PRKN: variants seen among roughly 807,000 people sequenced by gnomAD.
PRKN encodes E3 ubiquitin-protein ligase parkin.
Under a neutral mutation model 59.5 loss-of-function variants are expected in PRKN, and 56 were observed. That is an observed-to-expected ratio of 0.94 (90% CI 0.76 to 1.18). The LOEUF (loss-of-function observed/expected upper bound fraction) is 1.18, where lower values mean the gene tolerates loss of function less well. Among genes scored for constraint, PRKN ranks in the 50% most tolerant of loss-of-function variants. The pLI, the probability that PRKN is intolerant of heterozygous loss-of-function variation, is 0.00. For synonymous variants in PRKN, 250 were observed against 222.1 expected (o/e 1.13, Z -1.12); for missense variants, 657 against 596.4 (o/e 1.10, Z -1.06).
chr6:161,537,994 C>T, intron 9 of PRKN, among the ~76,000 whole-genome samples: 1 of 152,146 alleles, frequency 6.6e-6, no homozygotes, highest in East Asian at 1.9e-4. Flanking sequence ...GGTCAATAAC[C>T]AACACGGCTT....
chr6:162,720,633 G>T (rs897538067), intron 1 of PRKN, among the ~76,000 whole-genome samples: 2 of 150,950 alleles, frequency 1.3e-5, no homozygotes, highest in African/African-American at 4.9e-5. Context: ...TGTATTTTTA[G>T]TAGAGACGGG....
At chr6:162,431,278 G>C (rs1007435933) in intron 2 of PRKN, among the ~76,000 whole-genome samples, 3 of 145,528 alleles carry the variant, frequency 2.1e-5, no homozygotes, top group African/African-American at 5.3e-5. Context: ...GCGGCAGAGA[G>C]AGATGACTTC....
rs10683923 is a variant in PRKN at position 161,779,440 on chromosome 6, C to CT, written c.871+6331dup. Among the ~76,000 whole-genome samples, 13 of 41,838 alleles carry CT rather than the reference C, an allele frequency of 3.1e-4. 2 individuals carry two copies. The highest frequency in any genetic ancestry group is 4.3e-4 in the Non-Finnish European group (11 of 25,678). 27.4% of individuals were successfully genotyped at this position (41,838 alleles called of 152,430 possible). ...TTTTTTTCTCTTTTTCTTTTCTTTTCTTTTTTTTTTTTTTTTTTTTTTGAG... is the reference window on the plus strand; with the variant it reads ...TTTTTTTCTCTTTTTCTTTTCTTTTCTTTTTTTTTTTTTTTTTTTTTTTGAG... On this transcript the variant is annotated intron_variant, in intron 7 of 11. Coordinates refer to ENST00000366898, the MANE Select transcript of PRKN (RefSeq NM_004562.3).
chr6:162,008,532 T>C (rs1782351946), intron 5 of PRKN, among the ~76,000 whole-genome samples: 1 of 152,116 alleles, frequency 6.6e-6, no homozygotes, highest in Admixed American at 6.6e-5. Context: ...TACCACCAGA[T>C]AGAAGCTGCA....
intron 4 of PRKN, among the ~76,000 whole-genome samples, chr6:162,058,957 GA>G (rs553927046): frequency 0.45 from 39,667 of 87,524 alleles, 6,436 homozygotes; most frequent in East Asian, 0.61. Context: ...GCCTCAACAA[GA>G]AAAAAAAAAA....
intron 9 of PRKN, among the ~76,000 whole-genome samples, chr6:161,452,833 G>A (rs761446139): frequency 2.0e-5 from 3 of 151,856 alleles, no homozygotes; most frequent in Non-Finnish European, 2.9e-5. Context: ...GGGGCAGGGA[G>A]CCCTTGACTT....
intron 2 of PRKN, among the ~76,000 whole-genome samples, chr6:162,358,579 T>C (rs745973017): frequency 6.6e-6 from 1 of 152,190 alleles, no homozygotes; most frequent in Non-Finnish European, 1.5e-5. Context: ...AATGCCACAT[T>C]CATGATAAAA....
At chr6:162,702,973 A>C (rs939253771) in intron 1 of PRKN, among the ~76,000 whole-genome samples, 20 of 152,208 alleles carry the variant, frequency 1.3e-4, no homozygotes, top group African/African-American at 4.8e-4. Flanking sequence ...TTAGGCAAAA[A>C]ATTAAATGAA....
At chr6:162,631,772 T>G (rs1284688419) in intron 1 of PRKN, among the ~76,000 whole-genome samples, 1 of 152,230 alleles carries the variant, frequency 6.6e-6, no homozygotes, top group Non-Finnish European at 1.5e-5. Context: ...CCAGAGCCAA[T>G]GTTGACTAGA....
intron 7 of PRKN, among the ~76,000 whole-genome samples, chr6:161,622,803 T>A (rs771008072): frequency 5.9e-5 from 9 of 152,218 alleles, no homozygotes; most frequent in Non-Finnish European, 1.2e-4. Flanking sequence ...GAAATGAATT[T>A]TCAAGGTGAC....
At position 161,594,504 on chromosome 6, in the gene PRKN, C is replaced by T. The variant is rs911571329; in HGVS notation, c.872-25088G>A. On this transcript the variant is annotated intron_variant, in intron 7 of 11. Transcript: ENST00000366898. ...AATTCATGTCACTTCTTTCCAATAT[C>T]AAGACACCCGTAGGACACAATAATA... Among the ~76,000 whole-genome samples the T allele has an allele frequency of 7.2e-5, 11 of 152,196 alleles. 1 individual carries two copies. The highest frequency in any genetic ancestry group is 2.6e-4 in the Admixed American group (4 of 15,268).
At chr6:162,005,275 AAAG>A (rs1782205714) in intron 5 of PRKN, among the ~76,000 whole-genome samples, 3 of 152,238 alleles carry the variant, frequency 2.0e-5, no homozygotes, top group Non-Finnish European at 4.4e-5. Flanking sequence ...TAAAAGAAAT[AAAG>A]TATAGGACAA....
In PRKN at chr6:162,125,024, G is replaced by A. The variant is rs573317971; in HGVS notation, c.535-70850C>T. 9.9e-5 allele frequency among the ~76,000 whole-genome samples: 15 copies of A among 152,218 alleles called. No individual in the cohort carries two copies. The South Asian group carries it at 1.9e-3, about 19-fold the overall frequency. ...AAATGCTTGCATAGGAAGCTCTGCC[G>A]GCATCAAGTACGATTATTATAGAAA... On this transcript the variant is annotated intron_variant, in intron 4 of 11. Coordinates refer to ENST00000366898, the MANE Select transcript of PRKN (RefSeq NM_004562.3).
At chr6:162,291,617 A>C (rs1470972171) in intron 2 of PRKN, among the ~76,000 whole-genome samples, 2 of 152,186 alleles carry the variant, frequency 1.3e-5, no homozygotes, top group African/African-American at 4.8e-5. Flanking sequence ...AGGATTCTTG[A>C]GCCAAACATG....
At chr6:161,438,215 A>T (rs1314833061) in intron 9 of PRKN, among the ~76,000 whole-genome samples, 6 of 112,438 alleles carry the variant, frequency 5.3e-5, no homozygotes, top group Non-Finnish European at 6.9e-5. Context: ...AATTCTGTTA[A>T]TTTTTTTTTT....
chr6:161,765,642 GT>G (rs2128200239), intron 7 of PRKN, among the ~76,000 whole-genome samples: 1 of 152,150 alleles, frequency 6.6e-6, no homozygotes, highest in East Asian at 1.9e-4. Context: ...TTCTAAAGTG[GT>G]ATATTAGGCA....
chr6:162,645,744 C>A (rs1023759629), intron 1 of PRKN, among the ~76,000 whole-genome samples: 1 of 152,100 alleles, frequency 6.6e-6, no homozygotes, highest in Non-Finnish European at 1.5e-5. Flanking sequence ...GTTTGATAGC[C>A]ACCTTGCTTC....
At chr6:161,580,288 C>A (rs1781284860) in intron 7 of PRKN, among the ~76,000 whole-genome samples, 1 of 152,154 alleles carries the variant, frequency 6.6e-6, no homozygotes, top group South Asian at 2.1e-4. Flanking sequence ...CTCAAATTTG[C>A]TATCCATGTT....
rs1161302253 is a variant in PRKN at position 161,504,689 on chromosome 6, A to C, written c.1083+44165T>G. Among the ~76,000 whole-genome samples the C allele has an allele frequency of 5.3e-3, 519 of 97,032 alleles. 3 individuals carry two copies. The highest frequency in any genetic ancestry group is 0.02 in the African/African-American group (473 of 23,438). 63.7% of individuals were successfully genotyped at this position (97,032 alleles called of 152,430 possible). A position where few individuals can be genotyped will look rare whatever the true frequency, so the allele number is the denominator to read the frequency against. On this transcript the variant is annotated intron_variant, in intron 9 of 11. Coordinates refer to ENST00000366898, the MANE Select transcript of PRKN (RefSeq NM_004562.3). ...TCCCTCCCCCCTCCCCCCACCCCACAACAGTCCCCAGAGTGTGATGTTCCC... is the reference window on the plus strand; with the variant it reads ...TCCCTCCCCCCTCCCCCCACCCCACCACAGTCCCCAGAGTGTGATGTTCCC...
Sources: gnomAD v4.1 joint callset for allele counts (sites outside exome capture counted in the v4.1 genomes callset) on GRCh38, gnomAD v4.1.1 for gene constraint, MANE v1.5 for transcripts, NCBI Gene and HGNC (gene_info 2026-07-23, HGNC 2026-07-21) for gene names.